Variants in DOCK1 observed in about 807,000 individuals in gnomAD.
The protein encoded by DOCK1 is dedicator of cytokinesis protein 1.
In DOCK1, 138 loss-of-function variants were observed where a neutral mutation model predicts 262.7. The ratio of observed to expected loss-of-function variants is 0.53; its 90% CI spans 0.46 to 0.61. DOCK1 has a LOEUF of 0.61. Among genes scored for constraint, DOCK1 ranks in the 20% least tolerant of loss-of-function variants. The pLI, the probability that DOCK1 is intolerant of heterozygous loss-of-function variation, is 0.00. For synonymous variants in DOCK1, 866 were observed against 867.4 expected (o/e 1.00, Z 0.03); for missense variants, 1,908 against 2,370.7 (o/e 0.80, Z 4.05).
chr10:127,276,655 G>A (rs779704692), intron 29 of DOCK1, among the ~76,000 whole-genome samples: 2 of 152,126 alleles, frequency 1.3e-5, no homozygotes, highest in Non-Finnish European at 2.9e-5. Context: ...ATTTTGTTTA[G>A]AGGTATAGAT....
Position 127,125,600 on chromosome 10 carries a change from T to C in DOCK1, c.2750T>C (p.Val917Ala). The C allele has an allele frequency of 6.2e-7, 1 of 1,613,458 alleles. No individual in the cohort carries two copies. Among genetic ancestry groups the C allele is most frequent in the Non-Finnish European group, 8.5e-7 (1 of 1,179,748 alleles). ...CTGGAGGTGCTGTACAGGAAGGACG[T>C]GGTGAGTGTTGGCTCTGTGCGTGAC... The part of the protein sequence containing the change: ...HILEVLYRKD[V>A]GPTQRHVQII... The change falls in exon 26 of 52, where the codon GTG (valine) becomes GCG (alanine). Residue 917 changes from valine to alanine, a missense_variant and splice_region_variant. This residue lies in a region of DOCK1 where 518 missense variants were observed against 575.1 expected (regional missense o/e 0.90). Coordinates refer to ENST00000623213, the MANE Select transcript of DOCK1 (RefSeq NM_001290223.2).
intron 13 of DOCK1, among the ~76,000 whole-genome samples, chr10:127,019,688 G>T (rs2042274761): frequency 6.6e-6 from 1 of 152,198 alleles, no homozygotes; most frequent in East Asian, 1.9e-4. Context: ...GGCAGAGGTT[G>T]CTGTGAGCAC....
At chr10:126,922,968 A>T (rs1291497262) in intron 1 of DOCK1, among the ~76,000 whole-genome samples, 3 of 152,000 alleles carry the variant, frequency 2.0e-5, no homozygotes, top group Admixed American at 1.3e-4. Context: ...AATTAGCTGG[A>T]TGTGGCAGTG....
intron 1 of DOCK1, among the ~76,000 whole-genome samples, chr10:126,960,521 T>C (rs2037112052): frequency 6.6e-6 from 1 of 150,586 alleles, no homozygotes; most frequent in Non-Finnish European, 1.5e-5. Flanking sequence ...AAGGGTTTCA[T>C]CCAGAGGTGA....
At chr10:127,237,554 C>T (rs1208467821) in intron 27 of DOCK1, among the ~76,000 whole-genome samples, 13 of 152,134 alleles carry the variant, frequency 8.5e-5, no homozygotes, top group Admixed American at 8.5e-4. Flanking sequence ...ACTTAAGAAG[C>T]ATGCATATGG....
At chr10:126,933,612 G>A (rs1040384581) in intron 1 of DOCK1, among the ~76,000 whole-genome samples, 3 of 152,116 alleles carry the variant, frequency 2.0e-5, no homozygotes, top group Admixed American at 6.5e-5. Flanking sequence ...GGAGTGCCCT[G>A]AGTCAGCCCC....
At chr10:127,188,692 G>T (rs1162061203) in intron 27 of DOCK1, among the ~76,000 whole-genome samples, 3 of 152,120 alleles carry the variant, frequency 2.0e-5, no homozygotes, top group Non-Finnish European at 2.9e-5. Context: ...CCACTTAATA[G>T]CCCAGAACTC....
intron 27 of DOCK1, among the ~76,000 whole-genome samples, chr10:127,184,110 A>G (rs2055993049): frequency 6.6e-6 from 1 of 152,128 alleles, no homozygotes; most frequent in Non-Finnish European, 1.5e-5. Flanking sequence ...CCTGAGACCC[A>G]AGGGTGGCCT....
intron 27 of DOCK1, among the ~76,000 whole-genome samples, chr10:127,130,440 C>G: frequency 6.6e-6 from 1 of 152,064 alleles, no homozygotes; most frequent in Non-Finnish European, 1.5e-5. Flanking sequence ...GCCCACTGGT[C>G]AACAGTTAAA....
In DOCK1 at chr10:127,222,591, CT is replaced by C. The variant is rs537882663; in HGVS notation, c.2848-25412del. ...GTTTCTGTACATAGAGACCACCTTT[CT>C]TTTTGGTCGACATTTCATTCCTCCT... On this transcript the variant is annotated intron_variant, in intron 27 of 51. Transcript: ENST00000623213. Among the ~76,000 whole-genome samples the C allele has an allele frequency of 2.1e-3, 320 of 152,012 alleles. 1 individual carries two copies. Among genetic ancestry groups the C allele is most frequent in the Non-Finnish European group, 3.6e-3 (243 of 67,980 alleles).
intron 29 of DOCK1, among the ~76,000 whole-genome samples, chr10:127,318,144 T>C (rs1258096652): frequency 2.0e-5 from 3 of 152,344 alleles, no homozygotes; most frequent in South Asian, 4.1e-4. Flanking sequence ...ATGATACATA[T>C]ACTTCTGGAT....
At chr10:127,399,211 T>C (rs147021320) in intron 38 of DOCK1, among the ~76,000 whole-genome samples, 19 of 152,270 alleles carry the variant, frequency 1.2e-4, no homozygotes, top group African/African-American at 4.6e-4. Flanking sequence ...GATATGGGGC[T>C]TTTTCATTTG....
intron 27 of DOCK1, among the ~76,000 whole-genome samples, chr10:127,205,482 G>A (rs1215598113): frequency 6.6e-6 from 1 of 152,186 alleles, no homozygotes; most frequent in Non-Finnish European, 1.5e-5. Flanking sequence ...AGGGTAAGCA[G>A]ATTAAAGCTG....
chr10:127,362,829 CCACACATACACA>C (rs1565026346), intron 33 of DOCK1, among the ~76,000 whole-genome samples: 4 of 16,046 alleles, frequency 2.5e-4, no homozygotes, highest in East Asian at 1.3e-3. Flanking sequence ...GCACCCACAC[CCACACATACACA>C]CACACACACA....
At chr10:127,099,887 G>A (rs2048133695) in intron 23 of DOCK1, among the ~76,000 whole-genome samples, 1 of 152,214 alleles carries the variant, frequency 6.6e-6, no homozygotes, top group Non-Finnish European at 1.5e-5. Context: ...GTCTAACTGT[G>A]TGTTTGGGGT....
At chr10:127,151,895 T>C (rs1301481720) in intron 27 of DOCK1, among the ~76,000 whole-genome samples, 2 of 152,230 alleles carry the variant, frequency 1.3e-5, no homozygotes, top group Non-Finnish European at 2.9e-5. Flanking sequence ...AAAGGACAGA[T>C]TTCTGTCCTT....
chr10:127,246,716 G>T (rs1329064241), intron 27 of DOCK1, among the ~76,000 whole-genome samples: 1 of 152,134 alleles, frequency 6.6e-6, no homozygotes, highest in East Asian at 1.9e-4. Flanking sequence ...GTAGATATGT[G>T]TACTATAGGT....
intron 29 of DOCK1, among the ~76,000 whole-genome samples, chr10:127,308,557 C>T (rs2061956588): frequency 6.6e-6 from 1 of 152,154 alleles, no homozygotes; most frequent in Non-Finnish European, 1.5e-5. Flanking sequence ...CATGCATTAG[C>T]TATTTGTCCT....
At chr10:127,351,986 C>G (rs1037039652) in intron 31 of DOCK1, among the ~76,000 whole-genome samples, 1 of 151,694 alleles carries the variant, frequency 6.6e-6, no homozygotes, top group Middle Eastern at 3.4e-3. Context: ...CCCGCAGGCC[C>G]GGCTCTCCTG....
Sources: gnomAD v4.1 joint callset for allele counts (sites outside exome capture counted in the v4.1 genomes callset) on GRCh38, gnomAD v4.1.1 for gene constraint, gnomAD v4.1.1 regional missense constraint, MANE v1.5 for transcripts, NCBI Gene and HGNC (gene_info 2026-07-23, HGNC 2026-07-21) for gene names.